BCAT1: variants seen among roughly 807,000 people sequenced by gnomAD.
The protein encoded by BCAT1 is branched chain amino acid transaminase 1.
In BCAT1, 48 loss-of-function variants were observed where a neutral mutation model predicts 52.4. The observed-to-expected ratio is 0.92, with a 90% CI of 0.73 to 1.16. BCAT1 has a LOEUF of 1.16. Among genes scored for constraint, BCAT1 ranks in the 50% most tolerant of loss-of-function variants. BCAT1 has a pLI of 0.00. For missense variants in BCAT1, 451 were observed against 457.1 expected, an observed-to-expected ratio of 0.99 and a Z score of 0.12; for synonymous variants, 167 against 161.3, an observed-to-expected ratio of 1.04 and a Z score of -0.27.
At chr12:24,901,748 C>T (rs537867088) in intron 2 of BCAT1, 66 bp downstream of exon 2, 1 of 1,520,060 alleles carries the variant, frequency 6.6e-7, no homozygotes, top group East Asian at 2.3e-5. Context: ...CCCCGAATCT[C>T]AACAAGAAAT....
At chr12:24,943,816 C>CTACAAAAAA (rs1454761923) in intron 1 of BCAT1, among the ~76,000 whole-genome samples, 1 of 151,760 alleles carries the variant, frequency 6.6e-6, no homozygotes, top group Non-Finnish European at 1.5e-5. Context: ...AACCCCGTCT[C>CTACAAAAAA]TACAAAAAAT....
At chr12:24,936,743 A>T (rs1259186318) in intron 1 of BCAT1, among the ~76,000 whole-genome samples, 1 of 68,580 alleles carries the variant, frequency 1.5e-5, no homozygotes, top group African/African-American at 4.0e-5. Flanking sequence ...ACACACACAT[A>T]CACACACACA....
chr12:24,930,993 C>G (rs1378446900), intron 1 of BCAT1, among the ~76,000 whole-genome samples: 1 of 151,054 alleles, frequency 6.6e-6, no homozygotes, highest in Non-Finnish European at 1.5e-5. Context: ...ACCTCCACCT[C>G]CCAGGTTCTG....
intron 3 of BCAT1, among the ~76,000 whole-genome samples, chr12:24,894,060 G>T (rs185985192): frequency 2.0e-4 from 30 of 152,084 alleles, no homozygotes; most frequent in African/African-American, 7.0e-4. Flanking sequence ...TTTTTTTATT[G>T]ACGTCACAGA....
chr12:24,929,826 G>A (rs571952232), intron 1 of BCAT1, among the ~76,000 whole-genome samples: 2 of 152,210 alleles, frequency 1.3e-5, no homozygotes, highest in East Asian at 1.9e-4. Context: ...GCCTTTCTTT[G>A]AGTCTCATAT....
At chr12:24,859,874 AG>A (rs1941804618) in intron 5 of BCAT1, among the ~76,000 whole-genome samples, 1 of 152,198 alleles carries the variant, frequency 6.6e-6, no homozygotes, top group South Asian at 2.1e-4. Flanking sequence ...AAAATCATAC[AG>A]GAAGCACTGT....
intron 1 of BCAT1, among the ~76,000 whole-genome samples, chr12:24,926,352 T>C (rs34430745): frequency 0.16 from 24,112 of 151,304 alleles, 2,434 homozygotes; most frequent in Non-Finnish European, 0.22. Context: ...AGCCCCCGCC[T>C]GGCCAGCCGC....
At chr12:24,865,427 G>A (rs981268948) in intron 5 of BCAT1, among the ~76,000 whole-genome samples, 3 of 152,172 alleles carry the variant, frequency 2.0e-5, no homozygotes, top group African/African-American at 7.2e-5. Flanking sequence ...TTGAATGTAT[G>A]TCTTCACATG....
At chr12:24,821,550 C>A (rs146454170) in intron 10 of BCAT1, among the ~76,000 whole-genome samples, 28 of 152,278 alleles carry the variant, frequency 1.8e-4, no homozygotes, top group African/African-American at 6.3e-4. Context: ...TTATTCAAGA[C>A]CTTCCTCCCA....
chr12:24,912,217 T>A (rs1943337796), intron 1 of BCAT1, among the ~76,000 whole-genome samples: 1 of 151,998 alleles, frequency 6.6e-6, no homozygotes, highest in Non-Finnish European at 1.5e-5. Context: ...ATGATAAATA[T>A]AAAAAATTAG....
chr12:24,868,113 G>GA (rs1232175975), intron 5 of BCAT1, among the ~76,000 whole-genome samples: 2 of 152,216 alleles, frequency 1.3e-5, no homozygotes, highest in South Asian at 2.1e-4. Context: ...CATGGCAGGA[G>GA]AAATGGCAGA....
intron 1 of BCAT1, among the ~76,000 whole-genome samples, chr12:24,938,415 T>C (rs1943798996): frequency 6.6e-6 from 1 of 151,750 alleles, no homozygotes; most frequent in Non-Finnish European, 1.5e-5. Context: ...CAGATTTGAG[T>C]GGGAGGGTCT....
chr12:24,856,596 G>C (rs1266072453), intron 5 of BCAT1, among the ~76,000 whole-genome samples: 2 of 151,778 alleles, frequency 1.3e-5, no homozygotes, highest in African/African-American at 2.4e-5. Context: ...AGGACATAGG[G>C]AGAAGGTGGC....
upstream of BCAT1, chr12:24,949,247 C>T (rs115580789): frequency 4.7e-3 from 2,213 of 474,184 alleles, 56 homozygotes; most frequent in African/African-American, 0.039. Flanking sequence ...CCGAGCCTCA[C>T]TCACTGCTCA....
At chr12:24,902,057 T>A in intron 1 of BCAT1, 172 bp from the exon 2 acceptor site, 1 of 1,533,820 alleles carries the variant, frequency 6.5e-7, no homozygotes, top group Non-Finnish European at 8.7e-7. Flanking sequence ...AACAAGCGTG[T>A]CTTGGGAGCG....
intron 7 of BCAT1, among the ~76,000 whole-genome samples, chr12:24,839,895 C>T (rs950609007): frequency 2.6e-5 from 4 of 151,708 alleles, no homozygotes; most frequent in African/African-American, 9.7e-5. Flanking sequence ...TTTTTTTTAG[C>T]CCAAAGGTTT....
At chr12:24,841,954 C>A in intron 7 of BCAT1, 128 bp downstream of exon 7, 1 of 1,077,280 alleles carries the variant, frequency 9.3e-7, no homozygotes, top group Admixed American at 2.7e-5. Context: ...GCAGCAAAAG[C>A]ACAGTAGTCC....
intron 10 of BCAT1, among the ~76,000 whole-genome samples, chr12:24,826,472 T>C (rs1940403919): frequency 6.6e-6 from 1 of 152,204 alleles, no homozygotes; most frequent in African/African-American, 2.4e-5. Flanking sequence ...ATCTGGGTTC[T>C]CTATTCTGTC....
At chr12:24,917,489 G>A (rs1031104650) in intron 1 of BCAT1, among the ~76,000 whole-genome samples, 1 of 152,116 alleles carries the variant, frequency 6.6e-6, no homozygotes, top group African/African-American at 2.4e-5. Context: ...GACGAGTTTT[G>A]GATGTTTTTA....
Sources: allele counts gnomAD v4.1 joint callset (sites outside exome capture counted in the v4.1 genomes callset), GRCh38; gene constraint gnomAD v4.1.1; transcripts MANE v1.5; gene names NCBI Gene and HGNC (gene_info 2026-07-23, HGNC 2026-07-21).